SYNE2: variants seen among roughly 807,000 people sequenced by gnomAD.
The protein encoded by SYNE2 is nesprin-2.
In SYNE2, 431 loss-of-function variants were observed where a neutral mutation model predicts 856.3. That is an observed-to-expected ratio of 0.50 (90% CI 0.47 to 0.55). The LOEUF (loss-of-function observed/expected upper bound fraction) is 0.55. Ranked by LOEUF, SYNE2 falls within the 20% of genes least tolerant of loss-of-function variation. The probability of loss-of-function intolerance (pLI) is 0.00; values close to 1 mark genes in which losing one functional copy is unlikely to be tolerated. For synonymous variants in SYNE2, 2,923 were observed against 2,872.3 expected (o/e 1.02, Z -0.56); for missense variants, 8,129 against 8,023.2 (o/e 1.01, Z -0.50).
intron 19 of SYNE2, among the ~76,000 whole-genome samples, chr14:63,990,091 A>G (rs1299157643): frequency 6.6e-6 from 1 of 152,178 alleles, no homozygotes; most frequent in African/African-American, 2.4e-5. Flanking sequence ...TCTCCTCTCC[A>G]CTACTTTGAC....
intron 27 of SYNE2, 45 bp downstream of exon 27, chr14:63,999,085 A>C (rs1339660848): frequency 5.1e-5 from 81 of 1,581,596 alleles, no homozygotes; most frequent in Non-Finnish European, 6.0e-5. Context: ...TGTTTATTAG[A>C]AAATAGTACC....
At chr14:64,200,293 G>A (rs2098556367) in intron 99 of SYNE2, among the ~76,000 whole-genome samples, 1 of 152,218 alleles carries the variant, frequency 6.6e-6, no homozygotes, top group African/African-American at 2.4e-5. Flanking sequence ...CTGGGAAGAG[G>A]GAGAAGTGGG....
At chr14:63,979,985 A>G (rs944776467) in intron 14 of SYNE2, among the ~76,000 whole-genome samples, 5 of 152,196 alleles carry the variant, frequency 3.3e-5, no homozygotes, top group African/African-American at 1.2e-4. Flanking sequence ...AAAAAATGAT[A>G]AAGAGAAATT....
intron 96 of SYNE2, among the ~76,000 whole-genome samples, chr14:64,183,164 C>T (rs1413004229): frequency 9.3e-5 from 14 of 149,970 alleles, no homozygotes; most frequent in African/African-American, 2.2e-4. Context: ...TCGGACGGGG[C>T]GACTGCCGGG....
intron 1 of SYNE2, among the ~76,000 whole-genome samples, chr14:63,797,557 T>G (rs904741468): frequency 6.6e-6 from 1 of 152,158 alleles, no homozygotes; most frequent in African/African-American, 2.4e-5. Flanking sequence ...TTCTCCTGTC[T>G]CAGCCTTCTG....
intron 60 of SYNE2, 52 bp from the exon 61 acceptor site, chr14:64,093,286 AAATAGTCCATT>A (rs2097645644): frequency 6.3e-7 from 1 of 1,592,596 alleles, no homozygotes; most frequent in African/African-American, 1.3e-5. Flanking sequence ...TAGACAATGA[AAATAGTCCATT>A]AATCTGCTTA....
chr14:63,900,942 C>T (rs1008303791), intron 1 of SYNE2, among the ~76,000 whole-genome samples: 3 of 152,146 alleles, frequency 2.0e-5, no homozygotes, highest in African/African-American at 7.2e-5. Flanking sequence ...CTATAAATAA[C>T]AGAGTACAGC....
chr14:63,980,873 A>G (rs2096580519), intron 15 of SYNE2, 113 bp from the exon 16 acceptor site: 8 of 1,050,396 alleles, frequency 7.6e-6, no homozygotes, highest in Non-Finnish European at 1.1e-5. Flanking sequence ...CACTTTTAAT[A>G]TTGTCAGAGT....
intron 65 of SYNE2, among the ~76,000 whole-genome samples, chr14:64,112,667 C>T (rs2097820427): frequency 1.3e-5 from 2 of 152,082 alleles, no homozygotes; most frequent in Admixed American, 6.5e-5. Context: ...CAATCATATT[C>T]GAGTATGCAG....
In SYNE2 at chr14:63,997,020, A is replaced by C. The variant is rs1340853386; in HGVS notation, c.3014A>C (p.Glu1005Ala). The C allele has an allele frequency of 6.2e-7, 1 of 1,614,090 alleles. No individual in the cohort carries two copies. Residue 1005 changes from glutamate to alanine, a missense_variant, in exon 24 of 116, where the codon GAG becomes GCG. Coordinates refer to ENST00000555002, the MANE Select transcript of SYNE2 (RefSeq NM_182914.3). Reference protein sequence around the residue: ...HMEVLRELCEELPSQKSQQEV... With the variant: ...HMEVLRELCEALPSQKSQQEV... ...GAAGTCCTGAGGGAGCTGTGTGAAG[A>C]GCTGCCTTCACAGAAGAGTCAACAA...
At chr14:64,145,622 G>A (rs1457612983) in intron 83 of SYNE2, among the ~76,000 whole-genome samples, 1 of 151,952 alleles carries the variant, frequency 6.6e-6, no homozygotes, top group Non-Finnish European at 1.5e-5. Flanking sequence ...TATTATGAAT[G>A]AGAATCACAG....
chr14:64,032,566 T>TTTGTTGTTGTTG (rs57794503), intron 45 of SYNE2, among the ~76,000 whole-genome samples: 94,071 of 149,726 alleles, frequency 0.63, 30,020 homozygotes, highest in East Asian at 0.7. Flanking sequence ...TATCTCTAAT[T>TTTGTTGTTGTTG]TTGTTGTTGT....
chr14:63,860,491 C>T (rs1893255938), intron 1 of SYNE2, among the ~76,000 whole-genome samples: 1 of 152,210 alleles, frequency 6.6e-6, no homozygotes, highest in Non-Finnish European at 1.5e-5. Flanking sequence ...AATAGCCCCT[C>T]AGGTCAAAGT....
intron 2 of SYNE2, among the ~76,000 whole-genome samples, chr14:63,932,803 A>G (rs755246551): frequency 1.3e-5 from 2 of 152,240 alleles, no homozygotes; most frequent in Non-Finnish European, 2.9e-5. Context: ...CGGCGTTTCT[A>G]TGAACGCAGA....
chr14:64,153,595 A>G (rs1595874433), intron 85 of SYNE2, among the ~76,000 whole-genome samples: 1 of 152,320 alleles, frequency 6.6e-6, no homozygotes, highest in Non-Finnish European at 1.5e-5. Context: ...TAGCAGAAAA[A>G]TAGAGATGAG....
In SYNE2 at chr14:64,168,227, C is replaced by G. The variant is rs117399302; in HGVS notation, c.16905+588C>G. ...CAAGCAATTCTCGTGCCTTACCCTT[C>G]CGAGTAGCTGGGACTATAGGCATGT... On this transcript the variant is annotated intron_variant, in intron 92 of 115. Transcript: ENST00000555002. 8.0e-3 allele frequency among the ~76,000 whole-genome samples: 1,217 copies of G among 152,278 alleles called. 4 individuals are homozygous for G. The highest frequency in any genetic ancestry group is 0.012 in the Non-Finnish European group (810 of 68,022).
chr14:64,210,355 A>G (rs1169037162), intron 103 of SYNE2, among the ~76,000 whole-genome samples: 1 of 152,228 alleles, frequency 6.6e-6, no homozygotes, highest in Non-Finnish European at 1.5e-5. Context: ...GATTTGCGTT[A>G]CCAACGCACA....
intron 106 of SYNE2, 22 bp downstream of exon 106, chr14:64,214,492 C>T (rs374654604): frequency 2.6e-4 from 413 of 1,601,126 alleles, no homozygotes; most frequent in Non-Finnish European, 3.3e-4. Context: ...GTTCCCAGCA[C>T]CCTGGAAAGT....
intron 1 of SYNE2, among the ~76,000 whole-genome samples, chr14:63,884,348 G>A (rs2094933206): frequency 6.6e-6 from 1 of 152,198 alleles, no homozygotes; most frequent in African/African-American, 2.4e-5. Context: ...CTCGTTGAGA[G>A]TGCTTAATGA....
Sources: allele counts gnomAD v4.1 joint callset (sites outside exome capture counted in the v4.1 genomes callset), GRCh38; gene constraint gnomAD v4.1.1; transcripts MANE v1.5; gene names NCBI Gene and HGNC (gene_info 2026-07-23, HGNC 2026-07-21).